The following LRRC4C variants were observed in gnomAD, a reference collection of about 807,000 sequenced individuals.
LRRC4C encodes leucine rich repeat containing 4C.
A neutral mutation model predicts 33.6 loss-of-function variants in LRRC4C; 5 were observed. The observed-to-expected ratio is 0.15, with a 90% CI of 0.08 to 0.31. LRRC4C has a LOEUF of 0.31. LRRC4C is among the 10% of genes least tolerant of loss of function. The probability of loss-of-function intolerance (pLI) is 1.00; values close to 1 mark genes in which losing one functional copy is unlikely to be tolerated. For missense variants in LRRC4C, 560 were observed against 796.7 expected, an observed-to-expected ratio of 0.70 and a Z score of 3.58; for synonymous variants, 329 against 302.0, an observed-to-expected ratio of 1.09 and a Z score of -0.93.
At position 40,798,867 on chromosome 11, in the gene LRRC4C, C is replaced by T. The variant is rs552064140; in HGVS notation, c.-407+134768G>A. Reference sequence around the variant, plus strand: ...CCATGTTGGCCAGGCTGTTCTTAAACTCCTGACCTCAGGTGATCCACCTGT... The same window carrying T: ...CCATGTTGGCCAGGCTGTTCTTAAATTCCTGACCTCAGGTGATCCACCTGT... On this transcript the variant is annotated intron_variant, in intron 2 of 6. Transcript: ENST00000528697. Among the ~76,000 whole-genome samples the T allele has an allele frequency of 3.9e-5, 6 of 152,224 alleles. No homozygotes were observed. In the South Asian group the frequency reaches 1.2e-3, roughly 32 times the overall value.
rs140048338 is a variant in LRRC4C, at chr11:41,358,644, T to G, written c.-496+100787A>C. Among the ~76,000 whole-genome samples, 1,130 of 152,272 alleles carry G rather than the reference T, an allele frequency of 7.4e-3. 17 individuals carry two copies. The highest frequency in any genetic ancestry group is 0.025 in the African/African-American group (1,038 of 41,568). ...AAGTATATGACTAGATGACATCATA[T>G]GCCATCAGAGAAATGCAAATTAAAA... On this transcript the variant is annotated intron_variant, in intron 1 of 6. Coordinates refer to ENST00000528697, the MANE Select transcript of LRRC4C (RefSeq NM_001258419.2).
chr11:41,264,466 A>G (rs1025863826), intron 1 of LRRC4C, among the ~76,000 whole-genome samples: 1 of 152,134 alleles, frequency 6.6e-6, no homozygotes, highest in Non-Finnish European at 1.5e-5. Context: ...CAAACTGTTG[A>G]TACATAAAAG....
chr11:40,560,737 A>G (rs1495309), intron 3 of LRRC4C, among the ~76,000 whole-genome samples: 151,510 of 152,316 alleles, frequency 0.99, 75,359 homozygotes, highest in Middle Eastern at 1. Context: ...AGAGATGATC[A>G]TTCTAATCTG....
intron 1 of LRRC4C, among the ~76,000 whole-genome samples, chr11:41,131,216 T>C (rs2135837047): frequency 6.6e-6 from 1 of 152,106 alleles, no homozygotes; most frequent in Admixed American, 6.6e-5. Context: ...AGAAAGCAGG[T>C]TTTTCAGCAA....
intron 1 of LRRC4C, among the ~76,000 whole-genome samples, chr11:41,208,874 G>T (rs1197544679): frequency 6.6e-6 from 1 of 152,142 alleles, no homozygotes; most frequent in Non-Finnish European, 1.5e-5. Flanking sequence ...ACTGCTCAGG[G>T]TCCTGGGGGT....
intron 3 of LRRC4C, among the ~76,000 whole-genome samples, chr11:40,361,538 A>T (rs993183154): frequency 1.3e-5 from 2 of 152,254 alleles, no homozygotes; most frequent in Non-Finnish European, 2.9e-5. Flanking sequence ...CTAGGAATAC[A>T]GCTAACCAGG....
chr11:40,268,449 T>C (rs1428317386), intron 4 of LRRC4C, among the ~76,000 whole-genome samples: 1 of 152,190 alleles, frequency 6.6e-6, no homozygotes, highest in Non-Finnish European at 1.5e-5. Flanking sequence ...CACATGGTTT[T>C]ATATAGAACT....
At chr11:40,651,215 G>T (rs1045515389) in intron 2 of LRRC4C, among the ~76,000 whole-genome samples, 8 of 152,176 alleles carry the variant, frequency 5.3e-5, no homozygotes, top group Non-Finnish European at 1.0e-4. Context: ...TTTGATCAGT[G>T]TCATTCTGTT....
chr11:40,846,948 G>T (rs1388972015), intron 2 of LRRC4C, among the ~76,000 whole-genome samples: 1 of 152,016 alleles, frequency 6.6e-6, no homozygotes, highest in Non-Finnish European at 1.5e-5. Context: ...CTCATGATTT[G>T]GCTCTCTATT....
At chr11:41,408,760 A>C (rs1040368669) in intron 1 of LRRC4C, among the ~76,000 whole-genome samples, 2 of 151,256 alleles carry the variant, frequency 1.3e-5, no homozygotes, top group East Asian at 1.9e-4. Context: ...AAAAAAAAAA[A>C]AAAAAAACTG....
At chr11:40,737,633 G>C (rs1564995383) in intron 2 of LRRC4C, among the ~76,000 whole-genome samples, 1 of 151,950 alleles carries the variant, frequency 6.6e-6, no homozygotes, top group East Asian at 1.9e-4. Context: ...GCTACAGAGA[G>C]AATAAAATAC....
chr11:41,362,220 C>T (rs1446724892), intron 1 of LRRC4C, among the ~76,000 whole-genome samples: 1 of 152,136 alleles, frequency 6.6e-6, no homozygotes, highest in African/African-American at 2.4e-5. Flanking sequence ...CATTACTGGT[C>T]TTCCCCACAT....
intron 1 of LRRC4C, among the ~76,000 whole-genome samples, chr11:41,048,317 T>C (rs1215622294): frequency 7.1e-6 from 1 of 140,290 alleles, no homozygotes; most frequent in Admixed American, 8.0e-5. Context: ...CATGCTGGAG[T>C]GCAGTGGCAC....
chr11:41,375,237 A>G (rs969761259), intron 1 of LRRC4C, among the ~76,000 whole-genome samples: 1 of 152,100 alleles, frequency 6.6e-6, no homozygotes, highest in African/African-American at 2.4e-5. Context: ...ATTATTATAT[A>G]TATTTAAACA....
intron 3 of LRRC4C, among the ~76,000 whole-genome samples, chr11:40,560,785 T>C (rs1457155865): frequency 6.6e-6 from 1 of 152,206 alleles, no homozygotes; most frequent in Non-Finnish European, 1.5e-5. Flanking sequence ...GTTTTGGAAG[T>C]GGTGAAGGAG....
At chr11:40,958,956 C>A (rs1479475777) in intron 1 of LRRC4C, among the ~76,000 whole-genome samples, 1 of 151,684 alleles carries the variant, frequency 6.6e-6, no homozygotes, top group Admixed American at 6.6e-5. Context: ...TTTCTTTATT[C>A]TGGTGGTGTT....
intron 2 of LRRC4C, among the ~76,000 whole-genome samples, chr11:40,664,096 C>A (rs991248411): frequency 1.3e-5 from 2 of 152,086 alleles, no homozygotes; most frequent in Non-Finnish European, 2.9e-5. Flanking sequence ...TTTCTGCATA[C>A]ATAGGAGAAA....
intron 1 of LRRC4C, among the ~76,000 whole-genome samples, chr11:41,323,963 A>G (rs1210051864): frequency 6.6e-6 from 1 of 152,216 alleles, no homozygotes; most frequent in Admixed American, 6.5e-5. Context: ...TCATTTTGAT[A>G]TTAAAAGTAC....
intron 1 of LRRC4C, among the ~76,000 whole-genome samples, chr11:41,298,586 A>G (rs1251877644): frequency 6.6e-6 from 1 of 152,214 alleles, no homozygotes; most frequent in Non-Finnish European, 1.5e-5. Context: ...TAAGGCCAAA[A>G]TAAAACAACA....
Sources: gnomAD v4.1 joint callset for allele counts (sites outside exome capture counted in the v4.1 genomes callset) on GRCh38, gnomAD v4.1.1 for gene constraint, MANE v1.5 for transcripts, NCBI Gene and HGNC (gene_info 2026-07-23, HGNC 2026-07-21) for gene names.